Variants in EEF2K observed in about 807,000 individuals in gnomAD.
EEF2K encodes the protein alternative protein EEF2K.
EEF2K carries 70 observed loss-of-function variants against 93.8 expected under a neutral mutation model. The ratio of observed to expected loss-of-function variants is 0.75; its 90% CI spans 0.62 to 0.91. The LOEUF (loss-of-function observed/expected upper bound fraction) is 0.91. Ranked by LOEUF, EEF2K falls within the 40% of genes least tolerant of loss-of-function variation. The probability of loss-of-function intolerance (pLI) is 0.00; values close to 1 mark genes in which losing one functional copy is unlikely to be tolerated. For synonymous variants in EEF2K, 376 were observed against 380.8 expected (o/e 0.99, Z 0.15); for missense variants, 935 against 972.9 (o/e 0.96, Z 0.52).
intron 6 of EEF2K, 133 bp downstream of exon 6, chr16:22,251,455 C>A: frequency 1.7e-6 from 2 of 1,197,428 alleles, no homozygotes; most frequent in Non-Finnish European, 2.3e-6. Flanking sequence ...GCTCTGTCAC[C>A]CACCACCAAG....
At chr16:22,269,988 C>T (rs1197481643) in intron 15 of EEF2K, among the ~76,000 whole-genome samples, 3 of 149,646 alleles carry the variant, frequency 2.0e-5, no homozygotes, top group Admixed American at 6.7e-5. Flanking sequence ...GACAGAATCT[C>T]GCTCTGTCAC....
intron 1 of EEF2K, among the ~76,000 whole-genome samples, chr16:22,215,763 A>G (rs1340777802): frequency 6.6e-6 from 1 of 152,144 alleles, no homozygotes; most frequent in Non-Finnish European, 1.5e-5. Flanking sequence ...CGTCTCTACT[A>G]AAAATACAAA....
chr16:22,251,391 C>A, intron 6 of EEF2K, 69 bp downstream of exon 6: 2 of 1,528,082 alleles, frequency 1.3e-6, no homozygotes, highest in Admixed American at 2.1e-5. Flanking sequence ...GGAAAGAGGG[C>A]CATGGTGAAT....
chr16:22,262,001 C>CCCCACACACACACA (rs1555473206), intron 11 of EEF2K, among the ~76,000 whole-genome samples: 4 of 138,020 alleles, frequency 2.9e-5, no homozygotes, highest in African/African-American at 1.1e-4. Context: ...TGAGACCCTG[C>CCCCACACACACACA]CACACACACA....
chr16:22,225,193 T>G (rs2047050909), intron 1 of EEF2K, among the ~76,000 whole-genome samples: 1 of 152,062 alleles, frequency 6.6e-6, no homozygotes, highest in Non-Finnish European at 1.5e-5. Flanking sequence ...CTTAATGTGT[T>G]CACAGAACAG....
At chr16:22,228,762 C>A (rs1020888421) in intron 2 of EEF2K, among the ~76,000 whole-genome samples, 3 of 152,174 alleles carry the variant, frequency 2.0e-5, no homozygotes, top group African/African-American at 7.2e-5. Context: ...AGCTGGACAG[C>A]TCGAGCTTCG....
At chr16:22,234,244 G>A (rs887423696) in intron 2 of EEF2K, among the ~76,000 whole-genome samples, 2 of 152,130 alleles carry the variant, frequency 1.3e-5, no homozygotes, top group Non-Finnish European at 2.9e-5. Context: ...GCCAACTTTG[G>A]TGATTACACT....
intron 4 of EEF2K, among the ~76,000 whole-genome samples, chr16:22,249,186 G>A (rs1037289174): frequency 1.1e-4 from 16 of 151,258 alleles, no homozygotes; most frequent in Admixed American, 1.3e-4. Context: ...GCCCAGGCTG[G>A]TCTCAAACTC....
intron 16 of EEF2K, among the ~76,000 whole-genome samples, chr16:22,274,327 C>G (rs2047614105): frequency 6.6e-6 from 1 of 151,790 alleles, no homozygotes; most frequent in African/African-American, 2.4e-5. Flanking sequence ...ACCTGTAATC[C>G]CAGCTACTCA....
At chr16:22,269,362 T>C (rs1040354702) in intron 15 of EEF2K, among the ~76,000 whole-genome samples, 2 of 152,156 alleles carry the variant, frequency 1.3e-5, no homozygotes, top group Non-Finnish European at 2.9e-5. Flanking sequence ...AGCAGTCATA[T>C]AGGATTTAGG....
intron 1 of EEF2K, among the ~76,000 whole-genome samples, chr16:22,218,577 C>T (rs766256118): frequency 1.1e-4 from 17 of 152,142 alleles, no homozygotes; most frequent in South Asian, 2.1e-4. Context: ...TGGTTTCCGT[C>T]GCCAGAGACT....
chr16:22,226,286 TCTC>T (rs923674958), intron 2 of EEF2K, among the ~76,000 whole-genome samples: 22 of 151,416 alleles, frequency 1.5e-4, no homozygotes, highest in Admixed American at 3.3e-4. Flanking sequence ...GAGACAGAGT[TCTC>T]CTCTGTCACC....
At position 22,222,324 on chromosome 16, in the gene EEF2K, A is replaced by G. The variant is rs1245912347; in HGVS notation, c.-76-3330A>G. On this transcript the variant is annotated intron_variant, in intron 1 of 17. Coordinates refer to ENST00000263026, the MANE Select transcript of EEF2K (RefSeq NM_013302.5). ...GGGCTCAAGTGATCTTCCCACCTCA[A>G]CCACCTGAGTAGCTGGGACTACAGG... 2.0e-5 allele frequency among the ~76,000 whole-genome samples: 3 copies of G among 151,272 alleles called. No homozygotes were observed. The East Asian group carries it at 5.9e-4, about 30-fold the overall frequency.
Position 22,242,463 on chromosome 16 carries a change from C to T in EEF2K, c.247-2167C>T, listed in dbSNP as rs1283364403. Among the ~76,000 whole-genome samples the T allele has an allele frequency of 4.0e-5, 6 of 151,686 alleles. No individual in the cohort carries two copies. The East Asian group carries it at 9.7e-4, about 25-fold the overall frequency. Reference sequence around the variant, plus strand: ...AGCCTCCCGAGTATCTGGGATTACACGTATGCACCCAGCTTTTTTTTTTTT... The same window carrying T: ...AGCCTCCCGAGTATCTGGGATTACATGTATGCACCCAGCTTTTTTTTTTTT... On this transcript the variant is annotated intron_variant, in intron 2 of 17. Coordinates refer to ENST00000263026, the MANE Select transcript of EEF2K (RefSeq NM_013302.5).
intron 3 of EEF2K, among the ~76,000 whole-genome samples, chr16:22,245,707 T>G (rs1407647452): frequency 6.6e-6 from 1 of 152,126 alleles, no homozygotes; most frequent in Non-Finnish European, 1.5e-5. Context: ...TGATTTACTC[T>G]GGGAAAGGAG....
rs2047618505 is a variant in EEF2K at position 22,274,732 on chromosome 16, T to C, written c.1889+982T>C. Among the ~76,000 whole-genome samples, 6 of 151,864 alleles carry C rather than the reference T, an allele frequency of 4.0e-5. No individual in the cohort carries two copies. In the South Asian group the frequency reaches 1.2e-3, roughly 32 times the overall value. On this transcript the variant is annotated intron_variant, in intron 16 of 17. Transcript: ENST00000263026. ...AAGCAGTCCTCCCGCCTCAGCCTCC[T>C]GAGTAGGTGGGACTACAGGCATGTA... is the stretch of plus-strand genomic sequence containing the variant.
At chr16:22,257,806 G>GC in intron 9 of EEF2K, 36 bp downstream of exon 9, 1 of 1,606,060 alleles carries the variant, frequency 6.2e-7, no homozygotes, top group Non-Finnish European at 8.5e-7. Flanking sequence ...GGCCTGGCAG[G>GC]CCCTTCTGCT....
intron 1 of EEF2K, among the ~76,000 whole-genome samples, chr16:22,218,175 T>A (rs1379564418): frequency 1.3e-5 from 2 of 152,162 alleles, no homozygotes; most frequent in East Asian, 3.9e-4. Flanking sequence ...TAGGCCTGGA[T>A]CTTGTGACAC....
chr16:22,242,311 G>A (rs1413607936), intron 2 of EEF2K, among the ~76,000 whole-genome samples: 1 of 152,060 alleles, frequency 6.6e-6, no homozygotes, highest in African/African-American at 2.4e-5. Context: ...TTTGGGCTGA[G>A]TCCTTGGGAA....
Sources: allele counts gnomAD v4.1 joint callset (sites outside exome capture counted in the v4.1 genomes callset), GRCh38; gene constraint gnomAD v4.1.1; transcripts MANE v1.5; gene names NCBI Gene and HGNC (gene_info 2026-07-23, HGNC 2026-07-21).